Variants in KIF13B observed in about 807,000 individuals in gnomAD.
KIF13B encodes the protein kinesin family member 13B.
Under a neutral mutation model 222.0 loss-of-function variants are expected in KIF13B, and 127 were observed. The observed-to-expected ratio is 0.57, with a 90% CI of 0.50 to 0.66. The LOEUF is 0.66. KIF13B is among the 30% of genes least tolerant of loss of function. The pLI is 0.00. For synonymous variants in KIF13B, 976 were observed against 919.0 expected (o/e 1.06, Z -1.12); for missense variants, 2,173 against 2,379.0 (o/e 0.91, Z 1.80).
At chr8:29,227,435 GC>G (rs1815073754) in intron 2 of KIF13B, among the ~76,000 whole-genome samples, 2 of 152,056 alleles carry the variant, frequency 1.3e-5, no homozygotes, top group Admixed American at 6.5e-5. Context: ...GATTACAGGT[GC>G]CCACCACCAC....
chr8:29,071,534 G>A lies in KIF13B; in HGVS notation c.5218+86C>T. ...CTCCCGGCCCCTCCCTCTCCTGCCC[G>A]GACCCTGTCCCCTCCCAGGCCGGCC... On this transcript the variant is annotated intron_variant, in intron 39 of 39. Coordinates refer to ENST00000524189, the MANE Select transcript of KIF13B (RefSeq NM_015254.4). This position sits in a 1 kb window ranked among gnomAD's most constrained non-coding sequence, Gnocchi z 4.9. 7.9e-7 allele frequency: 1 copy of A among 1,263,024 alleles called. No individual in the cohort carries two copies. The highest frequency in any genetic ancestry group is 1.1e-6 in the Non-Finnish European group (1 of 902,046). 78.2% of individuals were successfully genotyped at this position (1,263,024 alleles called of 1,614,324 possible).
intron 2 of KIF13B, among the ~76,000 whole-genome samples, chr8:29,223,202 A>G (rs929213677): frequency 3.3e-5 from 5 of 150,332 alleles, no homozygotes; most frequent in Admixed American, 2.0e-4. Flanking sequence ...TTAGCCAGGC[A>G]TGGTGGCGCT....
intron 21 of KIF13B, 123 bp from the exon 22 acceptor site, chr8:29,134,333 T>G: frequency 3.9e-5 from 32 of 820,150 alleles, no homozygotes; most frequent in Non-Finnish European, 5.9e-5. Flanking sequence ...GTTGGCCAAA[T>G]CCCATTCACC....
chr8:29,071,995 C>T lies in KIF13B; in HGVS notation c.4843G>A (p.Ala1615Thr), dbSNP rs1232139228. The change falls in exon 39 of 40, where the codon GCC becomes ACC. Residue 1615 changes from alanine to threonine, a missense_variant. Around this residue, in one of 2 missense-constraint regions of KIF13B, gnomAD observed 693 missense variants for 656.2 expected, o/e 1.06. Coordinates refer to ENST00000524189, the MANE Select transcript of KIF13B (RefSeq NM_015254.4). The surrounding 1 kb of genome is among the most constrained non-coding windows in gnomAD (Gnocchi z 4.9). ...APISHPPPPT[A>T]VPAEEPPGPQ... ...CCAGGGGGCTCCTCGGCGGGGACGG[C>T]CGTGGGCGGTGGGGGGTGGCTGATG... 2.9e-5 allele frequency: 37 copies of T among 1,296,750 alleles called. 3 individuals carry two copies. In the South Asian group the frequency reaches 7.8e-4, roughly 27 times the overall value. The allele number at this position is 1,296,750 out of a possible 1,614,324, so 80.3% of individuals were successfully genotyped here. A position where few individuals can be genotyped will look rare whatever the true frequency, so the allele number is the denominator to read the frequency against.
intron 31 of KIF13B, among the ~76,000 whole-genome samples, chr8:29,116,212 T>G (rs1344069573): frequency 6.6e-6 from 1 of 152,202 alleles, no homozygotes; most frequent in Admixed American, 6.5e-5. Context: ...CTTATTCACC[T>G]TTTTATCCCA....
rs1334159979 is a variant in KIF13B at position 29,186,546 on chromosome 8, T to TG, written c.317-75_317-74insC. The TG allele has an allele frequency of 4.7e-6, 6 of 1,283,978 alleles. No homozygotes were observed. In the African/African-American group the frequency reaches 9.1e-5, roughly 20 times the overall value. 79.5% of individuals were successfully genotyped at this position (1,283,978 alleles called of 1,614,324 possible). A position where few individuals can be genotyped will look rare whatever the true frequency, so the allele number is the denominator to read the frequency against. Reference sequence around the variant, plus strand: ...TACATAACCCTCTTTCCGTTGCTCATAATAAACACTTGGCAAAACGCCAAA... The same window carrying TG: ...TACATAACCCTCTTTCCGTTGCTCATGAATAAACACTTGGCAAAACGCCAAA... On this transcript the variant is annotated intron_variant, in intron 5 of 39. Transcript: ENST00000524189.
At chr8:29,108,928 T>A (rs749055023) in intron 34 of KIF13B, among the ~76,000 whole-genome samples, 3 of 152,252 alleles carry the variant, frequency 2.0e-5, no homozygotes, top group Admixed American at 1.3e-4. Flanking sequence ...ATTATTCCCA[T>A]GTTCAATATG....
chr8:29,109,867 C>G (rs1586790569), intron 33 of KIF13B, 51 bp downstream of exon 33: 1 of 1,580,488 alleles, frequency 6.3e-7, no homozygotes. Context: ...AACACAGACT[C>G]AGCCTGCATC....
At chr8:29,093,986 G>C (rs1808411419) in intron 36 of KIF13B, among the ~76,000 whole-genome samples, 1 of 152,004 alleles carries the variant, frequency 6.6e-6, no homozygotes, top group African/African-American at 2.4e-5. Flanking sequence ...TCAAAGATGA[G>C]GAAAAAAATT....
chr8:29,071,840 G>C lies in KIF13B; in HGVS notation c.4998C>G (p.Asp1666Glu). 6.5e-7 allele frequency: 1 copy of C among 1,540,354 alleles called. No homozygotes were observed. Among genetic ancestry groups the C allele is most frequent in the Non-Finnish European group, 8.7e-7 (1 of 1,145,980 alleles). The change falls in exon 39 of 40, where the codon GAC (aspartate) becomes GAG (glutamate). Residue 1666 changes from aspartate to glutamate, a missense_variant. Physicochemically the swap from Asp to Glu is conservative, Grantham distance 45. Around this residue, in one of 2 missense-constraint regions of KIF13B, gnomAD observed 693 missense variants for 656.2 expected, o/e 1.06. Coordinates refer to ENST00000524189, the MANE Select transcript of KIF13B (RefSeq NM_015254.4). This position sits in a 1 kb window ranked among gnomAD's most constrained non-coding sequence, Gnocchi z 4.9. ...CCTCGGCCCCCGGGGAGCAGCCGGGGTCCCCAGCCAGCATGCGCGAGAAGG... is the reference window on the plus strand; with the variant it reads ...CCTCGGCCCCCGGGGAGCAGCCGGGCTCCCCAGCCAGCATGCGCGAGAAGG... ...LRSFSRMLAG[D>E]PGCSPGAEGN...
At chr8:29,228,531 G>C (rs756896100) in intron 2 of KIF13B, among the ~76,000 whole-genome samples, 1 of 148,090 alleles carries the variant, frequency 6.8e-6, no homozygotes, top group Non-Finnish European at 1.5e-5. Flanking sequence ...CAAAGTATAA[G>C]ACTAACAAAC....
In KIF13B at chr8:29,071,359, C is replaced by G. The variant is rs947359787; in HGVS notation, c.5218+261G>C. 1.1e-4 allele frequency among the ~76,000 whole-genome samples: 16 copies of G among 152,202 alleles called. No homozygotes were observed. The East Asian group carries it at 3.1e-3, about 29-fold the overall frequency. ...AGGGCAGGGGAGACCGGAACAAAAGCGGGAACAGCCATGGCGATGGGGGGA... is the reference window on the plus strand; with the variant it reads ...AGGGCAGGGGAGACCGGAACAAAAGGGGGAACAGCCATGGCGATGGGGGGA... On this transcript the variant is annotated intron_variant, in intron 39 of 39. Coordinates refer to ENST00000524189, the MANE Select transcript of KIF13B (RefSeq NM_015254.4). The surrounding 1 kb of genome is among the most constrained non-coding windows in gnomAD (Gnocchi z 4.9).
chr8:29,191,602 A>AC (rs1813191335), intron 3 of KIF13B, among the ~76,000 whole-genome samples: 1 of 152,238 alleles, frequency 6.6e-6, no homozygotes, highest in Non-Finnish European at 1.5e-5. Flanking sequence ...ATGATTCCAT[A>AC]TTTGTACCAA....
At chr8:29,262,796 GA>G (rs964668338) in intron 1 of KIF13B, among the ~76,000 whole-genome samples, 183 bp downstream of exon 1, 10 of 151,184 alleles carry the variant, frequency 6.6e-5, no homozygotes, top group Non-Finnish European at 7.4e-5. Flanking sequence ...GGGGGGAAGG[GA>G]GGGGAGAAGA....
chr8:29,182,656 T>C (rs181212558), intron 6 of KIF13B, among the ~76,000 whole-genome samples: 3 of 150,416 alleles, frequency 2.0e-5, no homozygotes, highest in Admixed American at 2.0e-4. Context: ...ATAAAGGACA[T>C]CTGAGAAAAA....
chr8:29,197,350 A>C (rs1388031509), intron 2 of KIF13B, among the ~76,000 whole-genome samples: 3 of 149,284 alleles, frequency 2.0e-5, no homozygotes, highest in Non-Finnish European at 4.5e-5. Flanking sequence ...AAAAAAAAAA[A>C]AAAAAAAAAA....
At chr8:29,108,312 G>A in intron 34 of KIF13B, 120 bp from the exon 35 acceptor site, 2 of 851,148 alleles carry the variant, frequency 2.3e-6, no homozygotes, top group East Asian at 2.6e-5. Flanking sequence ...CAGCAGAGAG[G>A]TTGTCATGAC....
At chr8:29,197,905 A>T (rs2130391779) in intron 2 of KIF13B, among the ~76,000 whole-genome samples, 1 of 152,376 alleles carries the variant, frequency 6.6e-6, no homozygotes. Context: ...AACTGGAATA[A>T]AATAGGAACA....
At chr8:29,231,316 G>A (rs753780818) in intron 2 of KIF13B, among the ~76,000 whole-genome samples, 1 of 152,192 alleles carries the variant, frequency 6.6e-6, no homozygotes, top group Non-Finnish European at 1.5e-5. Context: ...CCACAGTAGG[G>A]TTTTCCTATA....
Sources: allele counts gnomAD v4.1 joint callset (sites outside exome capture counted in the v4.1 genomes callset), GRCh38; gene constraint gnomAD v4.1.1; regional missense constraint gnomAD v4.1.1; non-coding constraint Gnocchi (gnomAD v3.1); transcripts MANE v1.5; gene names NCBI Gene and HGNC (gene_info 2026-07-23, HGNC 2026-07-21).